DDTL: variants seen among roughly 807,000 people sequenced by gnomAD.
The protein encoded by DDTL is D-dopachrome tautomerase like.
DDTL carries 1 observed loss-of-function variant against 1.1 expected under a neutral mutation model. The observed-to-expected ratio is 0.91, with a 90% confidence interval of 0.32 to 4.31. The LOEUF (loss-of-function observed/expected upper bound fraction) is 4.31. Ranked by LOEUF, DDTL falls within the 30% of genes most tolerant of loss-of-function variation. The pLI is 0.17. For missense variants in DDTL, 54 were observed against 48.9 expected (o/e 1.10, Z -0.31); for synonymous variants, 21 against 16.6 (o/e 1.26, Z -0.64).
chr22:23,969,822 T>G (rs965769453), intron 2 of DDTL: 1 of 985,870 alleles, frequency 1.0e-6, no homozygotes, highest in South Asian at 4.7e-5. Context: ...TGTTCCTAAT[T>G]GGATGGTTTT....
chr22:23,970,680 C>T (rs954133743), intron 2 of DDTL, among the ~76,000 whole-genome samples: 3 of 152,052 alleles, frequency 2.0e-5, no homozygotes, highest in Non-Finnish European at 4.4e-5. Flanking sequence ...TGTGATGAAT[C>T]GTGACTAGAT....
chr22:23,969,757 TGCA>T (rs2033865603), intron 2 of DDTL: 1 of 985,488 alleles, frequency 1.0e-6, no homozygotes, highest in Non-Finnish European at 1.2e-6. Context: ...AGGTCGAGGC[TGCA>T]ATAATCTGAG....
chr22:23,971,322 T>C lies in DDTL; in HGVS notation c.321T>C (p.His107=). 1 of 1,614,050 alleles carries C rather than the reference T, an allele frequency of 6.2e-7. No homozygotes were observed. The highest frequency in any genetic ancestry group is 8.5e-7 in the Non-Finnish European group (1 of 1,179,990). The part of the protein sequence containing the change: ...PTVLSTSPAA[H]GGPRCPGEII... The stretch of plus-strand genomic sequence containing the variant: ...TCTTATCCACCAGCCCTGCTGCCCA[T>C]GGTGGCCCCAGATGCCCAGGAGAGA... Residue 107 remains histidine (H), a synonymous_variant, in exon 3 of 3, where the codon CAT becomes CAC. Coordinates refer to ENST00000215770, the MANE Select transcript of DDTL (RefSeq NM_001084393.2).
rs9612528 is a variant in DDTL at position 23,972,069 on chromosome 22, G to A, written c.*663G>A. On this transcript the variant is annotated 3_prime_UTR_variant, in exon 3 of 3. Coordinates refer to ENST00000215770, the MANE Select transcript of DDTL (RefSeq NM_001084393.2). ...GAACATGCCCCTCTCAGAGGTAACA[G>A]CAAGTTTCCAGTGAGGAAAACCAGA... The A allele has an allele frequency of 0.095, 61,981 of 653,882 alleles. 3,279 individuals are homozygous for A. Among genetic ancestry groups the A allele is most frequent in the Non-Finnish European group, 0.11 (56,269 of 527,212 alleles). 40.5% of individuals were successfully genotyped at this position (653,882 alleles called of 1,614,324 possible). A position where few individuals can be genotyped will look rare whatever the true frequency, so the allele number is the denominator to read the frequency against.
At position 23,971,869 on chromosome 22, in the gene DDTL, G is replaced by A. The variant is rs1010778120; in HGVS notation, c.*463G>A. 4.7e-5 allele frequency: 24 copies of A among 514,334 alleles called. No homozygotes were observed. Among genetic ancestry groups the A allele is most frequent in the East Asian group, 3.3e-4 (9 of 27,502 alleles). 31.9% of individuals were successfully genotyped at this position (514,334 alleles called of 1,614,324 possible). A position where few individuals can be genotyped will look rare whatever the true frequency, so the allele number is the denominator to read the frequency against. ...GACAGACACACAATACAGTAGCCTC[G>A]GTGTGTGTGCCGTACACTCTATCAT... On this transcript the variant is annotated 3_prime_UTR_variant, in exon 3 of 3. Coordinates refer to ENST00000215770, the MANE Select transcript of DDTL (RefSeq NM_001084393.2).
In DDTL at chr22:23,971,846, C is replaced by G. The variant is rs1361710939; in HGVS notation, c.*440C>G. ...GCCGCACATCATGACCCAGCTAGGA[C>G]AGACACACAATACAGTAGCCTCGGT... is the stretch of plus-strand genomic sequence containing the variant. On this transcript the variant is annotated 3_prime_UTR_variant, in exon 3 of 3. Transcript: ENST00000215770. 3.5e-6 allele frequency: 2 copies of G among 570,928 alleles called. No homozygotes were observed. The highest frequency in any genetic ancestry group is 6.2e-6 in the Non-Finnish European group (2 of 323,022). 35.4% of individuals were successfully genotyped at this position (570,928 alleles called of 1,614,324 possible). A position where few individuals can be genotyped will look rare whatever the true frequency, so the allele number is the denominator to read the frequency against.
chr22:23,969,689 T>C (rs1220416781), intron 2 of DDTL: 2 of 978,376 alleles, frequency 2.0e-6, no homozygotes, highest in Non-Finnish European at 2.4e-6. Context: ...CATGGTGGCA[T>C]GAGCCTGTGA....
Position 23,971,472 on chromosome 22 carries a change from T to C in DDTL, c.*66T>C. 6 of 1,607,718 alleles carry C rather than the reference T, an allele frequency of 3.7e-6. No homozygotes were observed. Among genetic ancestry groups the C allele is most frequent in the Non-Finnish European group, 5.1e-6 (6 of 1,175,878 alleles). On this transcript the variant is annotated 3_prime_UTR_variant, in exon 3 of 3. Transcript: ENST00000215770. ...GCGGGATAATCCAAAGCTGGTTATC[T>C]CCAGGCCCTCACTCTGCCAAGAGAT...
chr22:23,969,998 G>A, intron 2 of DDTL: 3 of 344,664 alleles, frequency 8.7e-6, no homozygotes, highest in Non-Finnish European at 1.2e-5. Flanking sequence ...ATGTCACCTG[G>A]CAGGAGGAGG....
rs891675369 is a variant in DDTL, at chr22:23,970,265, CTG to C, written c.285-1014_285-1013del. The stretch of plus-strand genomic sequence containing the variant: ...GTGTATGTGTGCGAATGTCAGTGAA[CTG>C]TGTGTGAGTGAATTGTGTGTTTATG... On this transcript the variant is annotated intron_variant, in intron 2 of 2. Coordinates refer to ENST00000215770, the MANE Select transcript of DDTL (RefSeq NM_001084393.2). 3.5e-4 allele frequency among the ~76,000 whole-genome samples: 53 copies of C among 152,092 alleles called. 1 individual carries two copies. Among genetic ancestry groups the C allele is most frequent in the Admixed American group, 2.9e-3 (45 of 15,282 alleles).
chr22:23,969,863 G>A (rs1209226527), intron 2 of DDTL: 4 of 985,834 alleles, frequency 4.1e-6, no homozygotes, highest in African/African-American at 1.7e-5. Context: ...TAAAGTACAC[G>A]AAATAAAGAA....
Position 23,971,377 on chromosome 22 carries a change from G to A in DDTL, c.376G>A (p.Glu126Lys), listed in dbSNP as rs889718054. ...IIEGKKSCLN[E>K]EALFIYFI ...AGAAGGTAAGAAGTCATGTTTGAAT[G>A]AGGAAGCTCTCTTCATTTATTTCAT... The change falls in exon 3 of 3, where the codon GAG (glutamate) becomes AAG (lysine). Residue 126 changes from glutamate (E) to lysine (K), a missense_variant. Glu to Lys is a moderately conservative substitution (Grantham distance 56). Coordinates refer to ENST00000215770, the MANE Select transcript of DDTL (RefSeq NM_001084393.2). 2.5e-6 allele frequency: 4 copies of A among 1,614,068 alleles called. No individual in the cohort carries two copies. Among genetic ancestry groups the A allele is most frequent in the Admixed American group, 1.7e-5 (1 of 59,978 alleles).
intron 2 of DDTL, among the ~76,000 whole-genome samples, chr22:23,970,451 G>A (rs1220504222): frequency 1.3e-5 from 2 of 151,918 alleles, no homozygotes; most frequent in East Asian, 1.9e-4. Flanking sequence ...TGTGTGTGAC[G>A]GGGAGTATGT....
chr22:23,971,325 T>C lies in DDTL; in HGVS notation c.324T>C (p.Gly108=). ...TVLSTSPAAH[G]GPRCPGEIIE... ...TATCCACCAGCCCTGCTGCCCATGG[T>C]GGCCCCAGATGCCCAGGAGAGATAA... The change falls in exon 3 of 3, where the codon GGT becomes GGC. Residue 108 remains glycine, a synonymous_variant. Coordinates refer to ENST00000215770, the MANE Select transcript of DDTL (RefSeq NM_001084393.2). 1.2e-6 allele frequency: 2 copies of C among 1,614,200 alleles called. No individual in the cohort carries two copies. The highest frequency in any genetic ancestry group is 1.7e-6 in the Non-Finnish European group (2 of 1,180,026).
chr22:23,971,313 T>G lies in DDTL; in HGVS notation c.312T>G (p.Pro104=), dbSNP rs1419473744. Residue 104 remains proline, a synonymous_variant, in exon 3 of 3, where the codon CCT becomes CCG. Coordinates refer to ENST00000215770, the MANE Select transcript of DDTL (RefSeq NM_001084393.2). ...DRFPTVLSTS[P]AAHGGPRCPG... ...TCCCTACGGTCTTATCCACCAGCCC[T>G]GCTGCCCATGGTGGCCCCAGATGCC... 1 of 1,613,776 alleles carries G rather than the reference T, an allele frequency of 6.2e-7. No homozygotes were observed. The highest frequency in any genetic ancestry group is 1.3e-5 in the African/African-American group (1 of 74,936).
chr22:23,970,996 C>T (rs1446312622), intron 2 of DDTL, among the ~76,000 whole-genome samples: 1 of 151,276 alleles, frequency 6.6e-6, no homozygotes, highest in Non-Finnish European at 1.5e-5. Context: ...GACCAACCCC[C>T]AAAGGGACAC....
intron 2 of DDTL, chr22:23,969,274 G>A (rs1688194035): frequency 1.3e-5 from 13 of 985,544 alleles, no homozygotes; most frequent in Middle Eastern, 5.2e-4. Context: ...ACCTCTGAGA[G>A]GGGCATGTTG....
rs141712257 is a variant in DDTL, at chr22:23,970,513, T to TTG, written c.285-759_285-758dup. 3.2e-3 allele frequency among the ~76,000 whole-genome samples: 488 copies of TTG among 151,330 alleles called. 5 individuals are homozygous for TTG. Among genetic ancestry groups the TTG allele is most frequent in the East Asian group, 0.03 (157 of 5,160 alleles). ...CTATGAATGTCAGTGAATGCTGTGA[T>TTG]TGTGTGTGTGTGTGTACGTGTGTGG... On this transcript the variant is annotated intron_variant, in intron 2 of 2. Coordinates refer to ENST00000215770, the MANE Select transcript of DDTL (RefSeq NM_001084393.2).
chr22:23,969,516 G>C (rs1265448042), intron 2 of DDTL: 8 of 985,522 alleles, frequency 8.1e-6, no homozygotes, highest in Non-Finnish European at 9.6e-6. Flanking sequence ...TTCCACACCT[G>C]AGTGTCCCAC....
Sources: gnomAD v4.1 joint callset for allele counts (sites outside exome capture counted in the v4.1 genomes callset) on GRCh38, gnomAD v4.1.1 for gene constraint, MANE v1.5 for transcripts, NCBI Gene and HGNC (gene_info 2026-07-23, HGNC 2026-07-21) for gene names.